The following FLNB variants were observed in gnomAD, a reference collection of about 807,000 sequenced individuals.
The protein encoded by FLNB is filamin B.
FLNB carries 111 observed loss-of-function variants against 250.6 expected under a neutral mutation model. That is an observed-to-expected ratio of 0.44 (90% CI 0.38 to 0.52). The LOEUF (loss-of-function observed/expected upper bound fraction) is 0.52, where lower values mean the gene tolerates loss of function less well. Among genes scored for constraint, FLNB ranks in the 20% least tolerant of loss-of-function variants. FLNB has a pLI of 0.00. For synonymous variants in FLNB, 1,302 were observed against 1,372.1 expected, an observed-to-expected ratio of 0.95 and a Z score of 1.13; for missense variants, 2,869 against 3,447.8, an observed-to-expected ratio of 0.83 and a Z score of 4.20.
Position 58,170,858 on chromosome 3 carries a change from G to A in FLNB, c.*96G>A. 1.7e-6 allele frequency: 2 copies of A among 1,148,524 alleles called. No individual in the cohort carries two copies. The highest frequency in any genetic ancestry group is 2.6e-6 in the Non-Finnish European group (2 of 782,354). The allele number at this position is 1,148,524 out of a possible 1,614,324, so 71.1% of individuals were successfully genotyped here. A position where few individuals can be genotyped will look rare whatever the true frequency, so the allele number is the denominator to read the frequency against. ...CAAAGCCCTCCAGCCTGTTTGTGGG[G>A]CTGAAACCCCATCCCTAAAATATTG... On this transcript the variant is annotated 3_prime_UTR_variant, in exon 46 of 46. Transcript: ENST00000295956.
At chr3:58,152,126 C>T (rs2097346115) in intron 38 of FLNB, among the ~76,000 whole-genome samples, 1 of 152,172 alleles carries the variant, frequency 6.6e-6, no homozygotes, top group Non-Finnish European at 1.5e-5. Context: ...AAGTCTCTTC[C>T]AGCTCTTGGC....
chr3:58,030,055 G>A (rs577350726), intron 1 of FLNB, among the ~76,000 whole-genome samples: 1 of 152,298 alleles, frequency 6.6e-6, no homozygotes, highest in East Asian at 1.9e-4. Flanking sequence ...AAAGGGCCAG[G>A]TTTATATTAC....
At chr3:58,149,422 C>T (rs1173110985) in intron 36 of FLNB, 1 of 276,140 alleles carries the variant, frequency 3.6e-6, no homozygotes, top group Non-Finnish European at 7.0e-6. Flanking sequence ...TTGGGAGATA[C>T]TCCCTGTTAA....
intron 1 of FLNB, among the ~76,000 whole-genome samples, chr3:58,034,104 G>A (rs1013438358): frequency 5.9e-5 from 9 of 152,080 alleles, no homozygotes; most frequent in South Asian, 2.1e-4. Context: ...TAGGCGATCC[G>A]CTCACCTCTG....
At chr3:58,119,873 G>C (rs751153642) in intron 19 of FLNB, among the ~76,000 whole-genome samples, 1 of 152,168 alleles carries the variant, frequency 6.6e-6, no homozygotes, top group Non-Finnish European at 1.5e-5. Flanking sequence ...TTGCATTAAA[G>C]TTGCCCTGCT....
rs369887824 is a variant in FLNB at position 58,123,487 on chromosome 3, C to T, written c.3521C>T (p.Ser1174Leu). The part of the protein sequence containing the change: ...GALGLEAVSD[S>L]GTKAEVSIQN... ...CTGGGCCTGGAAGCTGTCTCGGACT[C>T]GGGAACAAAAGCCGAAGTCAGTATT... The change falls in exon 21 of 46, where the codon TCG (serine) becomes TTG (leucine). Residue 1174 changes from serine (S) to leucine (L), a missense_variant. By Grantham distance (145) the Ser-to-Leu change is moderately radical (BLOSUM62 -2). This residue lies in a region of FLNB where 1,348 missense variants were observed against 1,466.7 expected (regional missense o/e 0.92). Transcript: ENST00000295956. The T allele has an allele frequency of 9.4e-6, 15 of 1,603,236 alleles. No homozygotes were observed. The highest frequency in any genetic ancestry group is 4.5e-5 in the East Asian group (2 of 44,664).
chr3:58,072,139 G>A (rs751541565), intron 1 of FLNB, among the ~76,000 whole-genome samples: 8 of 152,194 alleles, frequency 5.3e-5, no homozygotes, highest in Non-Finnish European at 1.2e-4. Context: ...TGCTCACTTA[G>A]AAGCAACACT....
At chr3:58,045,406 C>G (rs967165065) in intron 1 of FLNB, among the ~76,000 whole-genome samples, 1 of 152,196 alleles carries the variant, frequency 6.6e-6, no homozygotes, top group Non-Finnish European at 1.5e-5. Flanking sequence ...CAGCCCAGGA[C>G]AGCTCTGAAT....
rs777606478 is a variant in FLNB, at chr3:58,169,705, C to T, written c.7533C>T (p.Asp2511=). The T allele has an allele frequency of 1.1e-5, 17 of 1,613,880 alleles. No homozygotes were observed. Among genetic ancestry groups the T allele is most frequent in the Admixed American group, 5.0e-5 (3 of 59,988 alleles). The change falls in exon 45 of 46, where the codon GAC becomes GAT. Residue 2511 remains aspartate (D), a synonymous_variant. Transcript: ENST00000295956. This position sits in a 1 kb window ranked among gnomAD's most constrained non-coding sequence, Gnocchi z 4.8. ...CYSAIPKASS[D]ASKVTSKGAG... is the part of the protein sequence containing the mutation. ...GCGCCATTCCCAAGGCATCCTCGGA[C>T]GCCAGCAAGGTGACCTCTAAGGGGG...
intron 18 of FLNB, among the ~76,000 whole-genome samples, chr3:58,117,455 T>A (rs2097280410): frequency 6.6e-6 from 1 of 152,184 alleles, no homozygotes; most frequent in South Asian, 2.1e-4. Context: ...CAGAAAACTT[T>A]ATGCGGGTGA....
Position 58,146,815 on chromosome 3 carries a change from TG to T in FLNB, c.5555-4del. Reference sequence around the variant, plus strand: ...ACACCCCTGCATCCCTGTTCCCACTTGTAGGTGGTCTGGACTTGGCTATTGA... The same window carrying T: ...ACACCCCTGCATCCCTGTTCCCACTTTAGGTGGTCTGGACTTGGCTATTGA... On this transcript the variant is annotated splice_polypyrimidine_tract_variant and splice_region_variant and intron_variant, in intron 33 of 45. Coordinates refer to ENST00000295956, the MANE Select transcript of FLNB (RefSeq NM_001457.4). 6.2e-7 allele frequency: 1 copy of T among 1,614,092 alleles called. No individual in the cohort carries two copies. The highest frequency in any genetic ancestry group is 8.5e-7 in the Non-Finnish European group (1 of 1,179,978).
chr3:58,116,569 G>A (rs542240567), intron 18 of FLNB, among the ~76,000 whole-genome samples: 1 of 152,338 alleles, frequency 6.6e-6, no homozygotes, highest in African/African-American at 2.4e-5. Context: ...GTGGATGAGT[G>A]ATGTGGATGG....
At chr3:58,070,476 A>G (rs1379514591) in intron 1 of FLNB, among the ~76,000 whole-genome samples, 1 of 152,132 alleles carries the variant, frequency 6.6e-6, no homozygotes, top group Non-Finnish European at 1.5e-5. Flanking sequence ...GTATCTAGTC[A>G]AGCTACTGGT....
At chr3:58,075,664 G>A (rs572565728) in intron 1 of FLNB, among the ~76,000 whole-genome samples, 31 of 152,196 alleles carry the variant, frequency 2.0e-4, no homozygotes, top group Admixed American at 5.9e-4. Flanking sequence ...ACAGTGATTC[G>A]GCTTCAAGGC....
intron 25 of FLNB, chr3:58,132,172 T>C: frequency 1.6e-6 from 1 of 629,086 alleles, no homozygotes; most frequent in East Asian, 2.8e-5. Context: ...TCCTTGACTG[T>C]CACGTTGGAA....
chr3:58,156,108 C>G (rs756098374), intron 41 of FLNB, 33 bp downstream of exon 41: 24 of 1,539,370 alleles, frequency 1.6e-5, no homozygotes, highest in Non-Finnish European at 2.2e-5. Flanking sequence ...TCTCCTTGGC[C>G]GCAGGCCACC....
In FLNB at chr3:58,171,269, C is replaced by T. The variant is rs28364684; in HGVS notation, c.*507C>T. On this transcript the variant is annotated 3_prime_UTR_variant, in exon 46 of 46. Transcript: ENST00000295956. This position sits in a 1 kb window ranked among gnomAD's most constrained non-coding sequence, Gnocchi z 5.5. ...TTTGGCTATTAGATCACTAGCACTG[C>T]TTTACCGCTCCTCATCGCCAACACC... The T allele has an allele frequency of 3.2e-4, 56 of 173,012 alleles. No homozygotes were observed. The highest frequency in any genetic ancestry group is 4.9e-4 in the East Asian group (3 of 6,150). 10.7% of individuals were successfully genotyped at this position (173,012 alleles called of 1,614,324 possible). A position where few individuals can be genotyped will look rare whatever the true frequency, so the allele number is the denominator to read the frequency against.
chr3:58,035,386 A>G (rs2097136608), intron 1 of FLNB, among the ~76,000 whole-genome samples: 2 of 152,240 alleles, frequency 1.3e-5, no homozygotes, highest in African/African-American at 4.8e-5. Flanking sequence ...TGTAATTTCC[A>G]TGCCTCTTAA....
chr3:58,106,352 C>CTATA (rs10540627), intron 11 of FLNB, among the ~76,000 whole-genome samples: 6,596 of 132,874 alleles, frequency 0.05, 276 homozygotes, highest in Middle Eastern at 0.088. Flanking sequence ...GTATTTAATA[C>CTATA]TATATATATA....
Sources: allele counts gnomAD v4.1 joint callset (sites outside exome capture counted in the v4.1 genomes callset), GRCh38; gene constraint gnomAD v4.1.1; regional missense constraint gnomAD v4.1.1; non-coding constraint Gnocchi (gnomAD v3.1); transcripts MANE v1.5; gene names NCBI Gene and HGNC (gene_info 2026-07-23, HGNC 2026-07-21).